The following SYNE2 variants were observed in gnomAD, a reference collection of about 807,000 sequenced individuals.
The protein encoded by SYNE2 is nesprin-2.
A neutral mutation model predicts 856.3 loss-of-function variants in SYNE2; 431 were observed. The ratio of observed to expected loss-of-function variants is 0.50; its 90% confidence interval spans 0.47 to 0.55. The LOEUF (loss-of-function observed/expected upper bound fraction) is 0.55. Among genes scored for constraint, SYNE2 ranks in the 20% least tolerant of loss-of-function variants. The pLI, the probability that SYNE2 is intolerant of heterozygous loss-of-function variation, is 0.00. For missense variants in SYNE2, 8,129 were observed against 8,023.2 expected (o/e 1.01, Z -0.50); for synonymous variants, 2,923 against 2,872.3 (o/e 1.02, Z -0.56).
At chr14:63,992,714 A>C (rs1374844741) in intron 21 of SYNE2, among the ~76,000 whole-genome samples, 1 of 152,150 alleles carries the variant, frequency 6.6e-6, no homozygotes, top group East Asian at 1.9e-4. Flanking sequence ...CTCACAACAG[A>C]AGCAAGATCC....
chr14:63,764,008 A>C (rs763185871), intron 1 of SYNE2, among the ~76,000 whole-genome samples: 1 of 152,152 alleles, frequency 6.6e-6, no homozygotes, highest in Non-Finnish European at 1.5e-5. Flanking sequence ...ACTGAGTTCT[A>C]AACTTTTGTC....
chr14:63,844,683 A>G (rs1033697983), intron 1 of SYNE2, among the ~76,000 whole-genome samples: 11 of 152,188 alleles, frequency 7.2e-5, no homozygotes, highest in African/African-American at 2.4e-4. Context: ...TGTGGAATCA[A>G]TATTATATTG....
At position 63,883,914 on chromosome 14, in the gene SYNE2, A is replaced by G. The variant is rs573734357; in HGVS notation, c.-51-25184A>G. On this transcript the variant is annotated intron_variant, in intron 1 of 115. Coordinates refer to ENST00000555002, the MANE Select transcript of SYNE2 (RefSeq NM_182914.3). ...TGTGAGGGGAGTTGGGGAAGTGTGAACTCCTTTTGAAAGGAAAAAATATAT... is the reference window on the plus strand; with the variant it reads ...TGTGAGGGGAGTTGGGGAAGTGTGAGCTCCTTTTGAAAGGAAAAAATATAT... 5.4e-5 allele frequency among the ~76,000 whole-genome samples: 8 copies of G among 149,072 alleles called. No homozygotes were observed. In the South Asian group the frequency reaches 1.7e-3, roughly 32 times the overall value.
chr14:64,078,400 G>A, intron 54 of SYNE2, 66 bp from the exon 55 acceptor site: 1 of 1,604,490 alleles, frequency 6.2e-7, no homozygotes, highest in South Asian at 1.1e-5. Flanking sequence ...CACTTTTGTT[G>A]TTCGAACCTA....
rs745963500 is a variant in SYNE2, at chr14:64,219,376, T to C, written c.19826T>C (p.Ile6609Thr). The C allele has an allele frequency of 6.2e-7, 1 of 1,614,090 alleles. No homozygotes were observed. The highest frequency in any genetic ancestry group is 1.1e-5 in the South Asian group (1 of 91,082). ...AAGATGGCAAAGCCTCCCTCTGATA[T>C]CCAGGAAATAGAACTGAGAGTGAAG... ...MLKMAKPPSDIQEIELRVKRL... is the reference protein window; with the variant it reads ...MLKMAKPPSDTQEIELRVKRL... Residue 6609 changes from isoleucine to threonine, a missense_variant, in exon 110 of 116, where the codon ATC becomes ACC. Ile to Thr is a moderately conservative substitution (Grantham distance 89). Transcript: ENST00000555002.
chr14:64,147,567 T>C (rs2098198357), intron 84 of SYNE2, among the ~76,000 whole-genome samples: 2 of 152,212 alleles, frequency 1.3e-5, no homozygotes, highest in Admixed American at 1.3e-4. Flanking sequence ...GGATTAAGTT[T>C]AGCTATTCTT....
At chr14:64,218,621 G>C in intron 109 of SYNE2, 109 bp downstream of exon 109, 4 of 1,062,876 alleles carry the variant, frequency 3.8e-6, no homozygotes, top group Non-Finnish European at 5.6e-6. Context: ...CGCCAGAACT[G>C]GGGGACTTAC....
In SYNE2 at chr14:64,062,672, ATATT is replaced by A. The variant is rs10592948; in HGVS notation, c.10068-74_10068-71del. ...TCTTTTCTTAAAAATTAAGTGTGGA[ATATT>A]TATTCTGGGAAATTTTGAATTTATT... On this transcript the variant is annotated intron_variant, in intron 49 of 115. Coordinates refer to ENST00000555002, the MANE Select transcript of SYNE2 (RefSeq NM_182914.3). 8.9e-3 allele frequency: 11,603 copies of A among 1,307,538 alleles called. 790 individuals carry two copies. In the African/African-American group the frequency reaches 0.15, roughly 17 times the overall value. The allele number at this position is 1,307,538 out of a possible 1,614,324, so 81.0% of individuals were successfully genotyped here. A position where few individuals can be genotyped will look rare whatever the true frequency, so the allele number is the denominator to read the frequency against.
chr14:63,879,329 C>A (rs187846616), intron 1 of SYNE2, among the ~76,000 whole-genome samples: 3 of 152,316 alleles, frequency 2.0e-5, no homozygotes, highest in Admixed American at 6.5e-5. Context: ...GAAAATTAAC[C>A]TCTGTGTATT....
intron 63 of SYNE2, among the ~76,000 whole-genome samples, chr14:64,101,077 C>T (rs967150320): frequency 4.6e-5 from 7 of 151,978 alleles, no homozygotes; most frequent in African/African-American, 1.5e-4. Context: ...AGGTTAATTC[C>T]GTATCTTGGT....
intron 1 of SYNE2, chr14:63,762,086 A>G (rs551012929): frequency 4.2e-6 from 2 of 479,812 alleles, no homozygotes; most frequent in African/African-American, 2.0e-5. Flanking sequence ...CAATTTGTTC[A>G]ATGAATTTTT....
intron 90 of SYNE2, among the ~76,000 whole-genome samples, chr14:64,166,180 C>T (rs986789102): frequency 2.0e-5 from 3 of 152,172 alleles, no homozygotes; most frequent in African/African-American, 7.2e-5. Context: ...CACTGTCCAT[C>T]ACTGATTTTT....
chr14:63,829,268 C>T (rs955748772), intron 1 of SYNE2, among the ~76,000 whole-genome samples: 3 of 151,792 alleles, frequency 2.0e-5, no homozygotes, highest in East Asian at 1.9e-4. Flanking sequence ...TTTTAAAAAA[C>T]GAGCTGGTTG....
chr14:63,888,617 A>G (rs1218895913), intron 1 of SYNE2, among the ~76,000 whole-genome samples: 2 of 152,190 alleles, frequency 1.3e-5, no homozygotes, highest in Non-Finnish European at 1.5e-5. Flanking sequence ...CTTGCTGACT[A>G]CCCAGTGTAG....
rs763055773 is a variant in SYNE2, at chr14:64,141,485, A to G, written c.15121A>G (p.Ile5041Val). ...GTTTGAACAAAAATGGACAATGCTC[A>G]TAACTCAACTTCCAGATATTCAAGA... is the stretch of plus-strand genomic sequence containing the variant. ...AQFEQKWTML[I>V]TQLPDIQEKL... The change falls in exon 81 of 116, where the codon ATA (isoleucine) becomes GTA (valine). Residue 5041 changes from isoleucine (I) to valine (V), a missense_variant. Transcript: ENST00000555002. The G allele has an allele frequency of 1.9e-6, 3 of 1,614,124 alleles. No homozygotes were observed. Among genetic ancestry groups the G allele is most frequent in the Admixed American group, 1.7e-5 (1 of 60,030 alleles).
chr14:63,923,897 C>G (rs939832395), intron 2 of SYNE2, among the ~76,000 whole-genome samples: 4 of 151,970 alleles, frequency 2.6e-5, no homozygotes, highest in African/African-American at 7.3e-5. Flanking sequence ...CTCCTGGGCT[C>G]AAGCAATCCT....
At position 64,219,096 on chromosome 14, in the gene SYNE2, GT is replaced by G. The variant is rs1214967482; in HGVS notation, c.19658-105del. ...CCTTCTGTCAGGGGAATCCCCTACA[GT>G]TTTTTTGTTTTTTTTTTTTTTTTTT... On this transcript the variant is annotated intron_variant, in intron 109 of 115. Coordinates refer to ENST00000555002, the MANE Select transcript of SYNE2 (RefSeq NM_182914.3). 20 of 758,740 alleles carry G rather than the reference GT, an allele frequency of 2.6e-5. 1 individual carries two copies. Among genetic ancestry groups the G allele is most frequent in the African/African-American group, 1.4e-4 (5 of 35,776 alleles). The allele number at this position is 758,740 out of a possible 1,614,324, so 47.0% of individuals were successfully genotyped here.
rs181156327 is a variant in SYNE2, at chr14:64,068,581, G to A, written c.10432-2064G>A. The stretch of plus-strand genomic sequence containing the variant: ...AATTATTGTCCTAATAAAAATTGTG[G>A]CCAGGAGCAGTGGCTCACGCCTGTA... On this transcript the variant is annotated intron_variant, in intron 51 of 115. Transcript: ENST00000555002. 1.3e-3 allele frequency among the ~76,000 whole-genome samples: 194 copies of A among 152,158 alleles called. 1 individual carries two copies. The highest frequency in any genetic ancestry group is 4.2e-3 in the African/African-American group (174 of 41,494).
chr14:63,788,201 G>A (rs1437377867), intron 1 of SYNE2, among the ~76,000 whole-genome samples: 1 of 152,198 alleles, frequency 6.6e-6, no homozygotes, highest in Non-Finnish European at 1.5e-5. Context: ...GCCAGGCAGA[G>A]GGAGAAGAAA....
Sources: allele counts gnomAD v4.1 joint callset (sites outside exome capture counted in the v4.1 genomes callset), GRCh38; gene constraint gnomAD v4.1.1; transcripts MANE v1.5; gene names NCBI Gene and HGNC (gene_info 2026-07-23, HGNC 2026-07-21).